TDRD15: variants seen among roughly 807,000 people sequenced by gnomAD.
TDRD15 encodes tudor domain-containing protein 15.
For missense variants in TDRD15, 1,416 were observed against 904.7 expected (o/e 1.57, Z -7.25); for synonymous variants, 503 against 314.5 (o/e 1.60, Z -6.34).
rs534291495 is a variant in TDRD15, at chr2:21,141,333, C to T, written c.3866C>T (p.Pro1289Leu). 24 of 715,664 alleles carry T rather than the reference C, an allele frequency of 3.4e-5. No homozygotes were observed. The highest frequency in any genetic ancestry group is 7.0e-5 in the African/African-American group (4 of 57,236). 44.3% of individuals were successfully genotyped at this position (715,664 alleles called of 1,614,324 possible). The change falls in exon 4 of 4, where the codon CCG (proline) becomes CTG (leucine). Residue 1289 changes from proline (P) to leucine (L), a missense_variant. Transcript: ENST00000405799. ...IRPQIKDLPQ[P>L]QIYLNAKVKG... Reference sequence around the variant, plus strand: ...CCACAGATCAAAGACCTTCCTCAACCGCAAATTTATTTGAATGCCAAAGTT... The same window carrying T: ...CCACAGATCAAAGACCTTCCTCAACTGCAAATTTATTTGAATGCCAAAGTT...
Position 21,140,101 on chromosome 2 carries a change from T to C in TDRD15, c.2634T>C (p.Ser878=), listed in dbSNP as rs560645661. ...FIEPVSCKLF[S]WTRKAFRDLW... ...AGCCTGTTAGTTGTAAATTATTCAG[T>C]TGGACAAGAAAAGCATTCAGAGACT... The change falls in exon 4 of 4, where the codon AGT becomes AGC. Residue 878 remains serine (S), a synonymous_variant. Transcript: ENST00000405799. 10 of 716,174 alleles carry C rather than the reference T, an allele frequency of 1.4e-5. No individual in the cohort carries two copies. The highest frequency in any genetic ancestry group is 2.3e-4 in the Middle Eastern group (1 of 4,364). The allele number at this position is 716,174 out of a possible 1,614,324, so 44.4% of individuals were successfully genotyped here.
rs140987298 is a variant in TDRD15 at position 21,138,706 on chromosome 2, A to G, written c.1239A>G (p.Leu413=). 2.9e-4 allele frequency: 211 copies of G among 715,968 alleles called. 2 individuals carry two copies. The highest frequency in any genetic ancestry group is 5.2e-4 in the African/African-American group (30 of 57,290). The allele number at this position is 715,968 out of a possible 1,614,324, so 44.4% of individuals were successfully genotyped here. A position where few individuals can be genotyped will look rare whatever the true frequency, so the allele number is the denominator to read the frequency against. The change falls in exon 4 of 4, where the codon CTA becomes CTG. Residue 413 remains leucine, a synonymous_variant. Coordinates refer to ENST00000405799, the MANE Select transcript of TDRD15 (RefSeq NM_001306137.2). ...TQESTVNSKC[L]LKTVGTQVLC... The stretch of plus-strand genomic sequence containing the variant: ...AGTCTACAGTTAATTCTAAGTGTCT[A>G]CTGAAGACTGTAGGCACACAAGTAC...
chr2:21,137,659 A>G lies in TDRD15; in HGVS notation c.192A>G (p.Glu64=), dbSNP rs1414258120. The part of the protein sequence containing the change: ...PKVKNNVEID[E]FCLVEERVSG... The stretch of plus-strand genomic sequence containing the variant: ...TGAAAAATAATGTGGAAATTGATGA[A>G]TTTTGTTTGGTGGAAGAAAGAGTAT... The change falls in exon 4 of 4, where the codon GAA becomes GAG. Residue 64 remains glutamate (E), a synonymous_variant. Coordinates refer to ENST00000405799, the MANE Select transcript of TDRD15 (RefSeq NM_001306137.2). 3 of 712,814 alleles carry G rather than the reference A, an allele frequency of 4.2e-6. No homozygotes were observed. Among genetic ancestry groups the G allele is most frequent in the African/African-American group, 1.8e-5 (1 of 56,972 alleles). 44.2% of individuals were successfully genotyped at this position (712,814 alleles called of 1,614,324 possible). A position where few individuals can be genotyped will look rare whatever the true frequency, so the allele number is the denominator to read the frequency against.
rs1665931767 is a variant in TDRD15, at chr2:21,141,502, G to C, written c.4035G>C (p.Val1345=). ...AGAGAAAATCAGTTAAACCTCTAGTGGGAGATCTTGTAGTTGCAGAATATT... is the reference window on the plus strand; with the variant it reads ...AGAGAAAATCAGTTAAACCTCTAGTCGGAGATCTTGTAGTTGCAGAATATT... ...LRERKSVKPL[V]GDLVVAEYSG... The change falls in exon 4 of 4, where the codon GTG becomes GTC. Residue 1345 remains valine, a synonymous_variant. Coordinates refer to ENST00000405799, the MANE Select transcript of TDRD15 (RefSeq NM_001306137.2). 1.4e-6 allele frequency: 1 copy of C among 715,026 alleles called. No homozygotes were observed. The highest frequency in any genetic ancestry group is 2.6e-6 in the Non-Finnish European group (1 of 383,684). The allele number at this position is 715,026 out of a possible 1,614,324, so 44.3% of individuals were successfully genotyped here.
chr2:21,135,955 C>T (rs1410417179), intron 3 of TDRD15, among the ~76,000 whole-genome samples: 1 of 151,960 alleles, frequency 6.6e-6, no homozygotes, highest in African/African-American at 2.4e-5. Flanking sequence ...ACTGTATATA[C>T]CACCTCTGTT....
At position 21,141,471 on chromosome 2, in the gene TDRD15, TGA is replaced by T. The variant is rs1222589927; in HGVS notation, c.4013_4014del (p.Arg1338LysfsTer4). 2.8e-6 allele frequency: 2 copies of T among 714,034 alleles called. No individual in the cohort carries two copies. Among genetic ancestry groups the T allele is most frequent in the African/African-American group, 1.8e-5 (1 of 57,046 alleles). 44.2% of individuals were successfully genotyped at this position (714,034 alleles called of 1,614,324 possible). A position where few individuals can be genotyped will look rare whatever the true frequency, so the allele number is the denominator to read the frequency against. On this transcript the variant is annotated frameshift_variant, in exon 4 of 4. Transcript: ENST00000405799. LOFTEE classifies it low-confidence loss of function (END_TRUNC). ...GCTCTAAATGCAACAGCAAGGAGAT[TGA>T]GAGAGAGAAAATCAGTTAAACCTCT...
intron 2 of TDRD15, among the ~76,000 whole-genome samples, chr2:21,133,156 G>A (rs1044789182): frequency 2.6e-5 from 4 of 152,134 alleles, no homozygotes; most frequent in African/African-American, 9.7e-5. Flanking sequence ...TCACATCAGT[G>A]TCATTAACAA....
rs1294324336 is a variant in TDRD15, at chr2:21,139,139, G to GGTTAA, written c.1676_1677insAGTTA (p.Tyr559Ter). On this transcript the variant is annotated stop_gained and frameshift_variant, in exon 4 of 4. Coordinates refer to ENST00000405799, the MANE Select transcript of TDRD15 (RefSeq NM_001306137.2). LOFTEE classifies it low-confidence loss of function (END_TRUNC). The stretch of plus-strand genomic sequence containing the variant: ...CAGAGCTGTCATCACTGAAATTAAT[G>GGTTAA]GTTATAAGATTAATGTTTATTTTTT... The GGTTAA allele has an allele frequency of 1.1e-5, 8 of 712,698 alleles. No homozygotes were observed. The highest frequency in any genetic ancestry group is 2.1e-5 in the Non-Finnish European group (8 of 383,320). 44.1% of individuals were successfully genotyped at this position (712,698 alleles called of 1,614,324 possible).
At chr2:21,135,113 A>G (rs1394300862) in intron 3 of TDRD15, among the ~76,000 whole-genome samples, 1 of 146,176 alleles carries the variant, frequency 6.8e-6, no homozygotes, top group Non-Finnish European at 1.5e-5. Flanking sequence ...ATATAATATA[A>G]AATATATTAT....
chr2:21,138,799 C>T lies in TDRD15; in HGVS notation c.1332C>T (p.Ser444=), dbSNP rs867285475. 1.4e-6 allele frequency: 1 copy of T among 713,494 alleles called. No individual in the cohort carries two copies. The highest frequency in any genetic ancestry group is 2.6e-6 in the Non-Finnish European group (1 of 383,490). 44.2% of individuals were successfully genotyped at this position (713,494 alleles called of 1,614,324 possible). ...LSETSVSDVN[S]FAVESFMGNI... is the part of the protein sequence containing the mutation. ...AGACAAGTGTGTCTGATGTAAACAG[C>T]TTTGCAGTTGAGAGTTTTATGGGAA... is the stretch of plus-strand genomic sequence containing the variant. Residue 444 remains serine (S), a synonymous_variant, in exon 4 of 4, where the codon AGC becomes AGT. Coordinates refer to ENST00000405799, the MANE Select transcript of TDRD15 (RefSeq NM_001306137.2).
chr2:21,140,213 T>C lies in TDRD15; in HGVS notation c.2746T>C (p.Leu916=), dbSNP rs1349757748. The C allele has an allele frequency of 1.4e-6, 1 of 715,348 alleles. No individual in the cohort carries two copies. The highest frequency in any genetic ancestry group is 1.8e-5 in the African/African-American group (1 of 57,130). The allele number at this position is 715,348 out of a possible 1,614,324, so 44.3% of individuals were successfully genotyped here. ...TATACATCCAAACCATTTATATAACTTAGTGGATTTACAGTCCTCATTTAC... is the reference window on the plus strand; with the variant it reads ...TATACATCCAAACCATTTATATAACCTAGTGGATTTACAGTCCTCATTTAC... ...VIIHPNHLYN[L]VDLQSSFTSA... is the part of the protein sequence containing the mutation. Residue 916 remains leucine (L), a synonymous_variant, in exon 4 of 4, where the codon TTA becomes CTA. Coordinates refer to ENST00000405799, the MANE Select transcript of TDRD15 (RefSeq NM_001306137.2).
rs1001428787 is a variant in TDRD15 at position 21,138,368 on chromosome 2, C to T, written c.901C>T (p.Arg301Ter). Residue 301 changes from arginine to a stop codon, truncating the protein, a stop_gained, in exon 4 of 4, where the codon CGA becomes TGA. Coordinates refer to ENST00000405799, the MANE Select transcript of TDRD15 (RefSeq NM_001306137.2). LOFTEE classifies it low-confidence loss of function (END_TRUNC). ...NFGLLCVARR[R>*]NGQWHRGILQ... is the part of the protein sequence containing the mutation. ...TGGACTGCTTTGTGTTGCCAGAAGGCGAAATGGACAGTGGCATAGAGGAAT... is the reference window on the plus strand; with the variant it reads ...TGGACTGCTTTGTGTTGCCAGAAGGTGAAATGGACAGTGGCATAGAGGAAT... 20 of 716,322 alleles carry T rather than the reference C, an allele frequency of 2.8e-5. No individual in the cohort carries two copies. Among genetic ancestry groups the T allele is most frequent in the Non-Finnish European group, 4.2e-5 (16 of 384,436 alleles). 44.4% of individuals were successfully genotyped at this position (716,322 alleles called of 1,614,324 possible). A position where few individuals can be genotyped will look rare whatever the true frequency, so the allele number is the denominator to read the frequency against.
chr2:21,140,528 A>C lies in TDRD15; in HGVS notation c.3061A>C (p.Lys1021Gln), dbSNP rs887217899. ...DSNKMRVCIS[K>Q]YVEDGLSYRA... Reference sequence around the variant, plus strand: ...TAATAAAATGAGAGTGTGCATATCTAAGTATGTAGAGGATGGTCTCTCATA... The same window carrying C: ...TAATAAAATGAGAGTGTGCATATCTCAGTATGTAGAGGATGGTCTCTCATA... The change falls in exon 4 of 4, where the codon AAG (lysine) becomes CAG (glutamine). Residue 1021 changes from lysine (K) to glutamine (Q), a missense_variant. Transcript: ENST00000405799. 2.4e-5 allele frequency: 17 copies of C among 696,926 alleles called. No homozygotes were observed. The highest frequency in any genetic ancestry group is 4.0e-5 in the Non-Finnish European group (15 of 377,998). 43.2% of individuals were successfully genotyped at this position (696,926 alleles called of 1,614,324 possible).
In TDRD15 at chr2:21,137,725, T is replaced by C; in HGVS notation, c.258T>C (p.Asn86=). 1 of 715,404 alleles carries C rather than the reference T, an allele frequency of 1.4e-6. No individual in the cohort carries two copies. The highest frequency in any genetic ancestry group is 2.6e-6 in the Non-Finnish European group (1 of 384,022). The allele number at this position is 715,404 out of a possible 1,614,324, so 44.3% of individuals were successfully genotyped here. A position where few individuals can be genotyped will look rare whatever the true frequency, so the allele number is the denominator to read the frequency against. The change falls in exon 4 of 4, where the codon AAT becomes AAC. Residue 86 remains asparagine, a synonymous_variant. Coordinates refer to ENST00000405799, the MANE Select transcript of TDRD15 (RefSeq NM_001306137.2). ...WQRGRVMEKK[N]ELYTVLLIDR... ...GAGGAAGAGTCATGGAAAAGAAAAATGAACTCTATACAGTGCTCCTCATAG... is the reference window on the plus strand; with the variant it reads ...GAGGAAGAGTCATGGAAAAGAAAAACGAACTCTATACAGTGCTCCTCATAG...
intron 1 of TDRD15, among the ~76,000 whole-genome samples, chr2:21,126,440 C>A (rs1051135637): frequency 1.3e-5 from 2 of 151,768 alleles, no homozygotes; most frequent in Non-Finnish European, 2.9e-5. Context: ...GACCTCGTCT[C>A]GCCGCAATCT....
chr2:21,124,220 G>A (rs910055550), intron 1 of TDRD15, among the ~76,000 whole-genome samples, 174 bp downstream of exon 1: 2 of 152,154 alleles, frequency 1.3e-5, no homozygotes. Flanking sequence ...TACCTCTAAT[G>A]GCGGCGGCGG....
chr2:21,141,302 A>G lies in TDRD15; in HGVS notation c.3835A>G (p.Ile1279Val). ...AACCTCACAAAACCCATATGACCTT[A>G]TTAGGCCACAGATCAAAGACCTTCC... ...QTTSQNPYDL[I>V]RPQIKDLPQP... The change falls in exon 4 of 4, where the codon ATT (isoleucine) becomes GTT (valine). Residue 1279 changes from isoleucine (I) to valine (V), a missense_variant. Transcript: ENST00000405799. The G allele has an allele frequency of 1.4e-6, 1 of 715,586 alleles. No individual in the cohort carries two copies. 44.3% of individuals were successfully genotyped at this position (715,586 alleles called of 1,614,324 possible). A position where few individuals can be genotyped will look rare whatever the true frequency, so the allele number is the denominator to read the frequency against.
rs1217168103 is a variant in TDRD15, at chr2:21,140,483, A to C, written c.3016A>C (p.Asn1006His). 4.3e-6 allele frequency: 3 copies of C among 695,108 alleles called. No homozygotes were observed. Among genetic ancestry groups the C allele is most frequent in the Non-Finnish European group, 7.9e-6 (3 of 378,148 alleles). The allele number at this position is 695,108 out of a possible 1,614,324, so 43.1% of individuals were successfully genotyped here. A position where few individuals can be genotyped will look rare whatever the true frequency, so the allele number is the denominator to read the frequency against. The change falls in exon 4 of 4, where the codon AAT (asparagine) becomes CAT (histidine). Residue 1006 changes from asparagine (N) to histidine (H), a missense_variant. Transcript: ENST00000405799. Reference protein sequence around the residue: ...TKITESVNLQNFPKYDSNKMR... With the variant: ...TKITESVNLQHFPKYDSNKMR... ...AATCACAGAGAGTGTTAACCTCCAA[A>C]ATTTTCCAAAATATGATTCTAATAA...
At position 21,139,759 on chromosome 2, in the gene TDRD15, T is replaced by C. The variant is rs1665883598; in HGVS notation, c.2292T>C (p.Cys764=). 4.2e-6 allele frequency: 3 copies of C among 715,460 alleles called. No individual in the cohort carries two copies. In the East Asian group the frequency reaches 8.1e-5, roughly 19 times the overall value. 44.3% of individuals were successfully genotyped at this position (715,460 alleles called of 1,614,324 possible). A position where few individuals can be genotyped will look rare whatever the true frequency, so the allele number is the denominator to read the frequency against. The part of the protein sequence containing the change: ...PGTVLEVKCS[C]YYGPGDFSCQ... ...CAGTTCTTGAAGTTAAATGTTCCTG[T>C]TATTATGGCCCAGGTGACTTTTCAT... Residue 764 remains cysteine (C), a synonymous_variant, in exon 4 of 4, where the codon TGT becomes TGC. Transcript: ENST00000405799.
Sources: allele counts gnomAD v4.1 joint callset (sites outside exome capture counted in the v4.1 genomes callset), GRCh38; gene constraint gnomAD v4.1.1; transcripts MANE v1.5; gene names NCBI Gene and HGNC (gene_info 2026-07-23, HGNC 2026-07-21).